Variants in TMEM132D observed in about 807,000 individuals in gnomAD.
TMEM132D encodes the protein mature OL transmembrane protein.
Under a neutral mutation model 62.3 loss-of-function variants are expected in TMEM132D, and 21 were observed. The observed-to-expected ratio is 0.34, with a 90% CI of 0.24 to 0.49. TMEM132D has a LOEUF of 0.49. Ranked by LOEUF, TMEM132D falls within the 20% of genes least tolerant of loss-of-function variation. The pLI is 0.99. For missense variants in TMEM132D, 1,346 were observed against 1,402.8 expected (o/e 0.96, Z 0.65); for synonymous variants, 621 against 575.6 (o/e 1.08, Z -1.13).
intron 5 of TMEM132D, among the ~76,000 whole-genome samples, chr12:129,126,622 G>T (rs1465482595): frequency 6.6e-6 from 1 of 152,084 alleles, no homozygotes; most frequent in African/African-American, 2.4e-5. Flanking sequence ...GAATGGTATG[G>T]GAATAAACAG....
At chr12:129,192,597 T>A (rs1878435891) in intron 5 of TMEM132D, among the ~76,000 whole-genome samples, 1 of 152,250 alleles carries the variant, frequency 6.6e-6, no homozygotes, top group Non-Finnish European at 1.5e-5. Context: ...AATTTAGGGT[T>A]GTTCACATAT....
At chr12:129,166,708 CACACATAT>C (rs761990749) in intron 5 of TMEM132D, among the ~76,000 whole-genome samples, 1,661 of 140,756 alleles carry the variant, frequency 0.012, 22 homozygotes, top group Middle Eastern at 0.041. Context: ...CACACACACA[CACACATAT>C]ACACACACAC....
chr12:129,855,093 A>G (rs71466420), intron 1 of TMEM132D: 9,225 of 109,868 alleles, frequency 0.084, 345 homozygotes, highest in Middle Eastern at 0.14. Flanking sequence ...GGGTGCCCTT[A>G]TAACAGAGTC....
chr12:129,352,217 C>T (rs1055262508), intron 3 of TMEM132D, among the ~76,000 whole-genome samples: 3 of 151,988 alleles, frequency 2.0e-5, no homozygotes, highest in Non-Finnish European at 2.9e-5. Context: ...CCTGATATCC[C>T]GATATCTTGA....
chr12:129,813,607 ATGTGATATATATATATATATATAT>A lies in TMEM132D; in HGVS notation c.79+89630_79+89653del, dbSNP rs1872252950. On this transcript the variant is annotated intron_variant, in intron 1 of 8. Coordinates refer to ENST00000422113, the MANE Select transcript of TMEM132D (RefSeq NM_133448.3). ...AGTGAAGGATGGACGGATACAGAAA[ATGTGATATATATATATATATATAT>A]TTTCAGGACTATTTCAGACATTGGG... 5.5e-5 allele frequency among the ~76,000 whole-genome samples: 3 copies of A among 54,446 alleles called. No individual in the cohort carries two copies. In the Admixed American group the frequency reaches 8.8e-4, roughly 16 times the overall value. 35.7% of individuals were successfully genotyped at this position (54,446 alleles called of 152,430 possible).
chr12:129,467,177 T>C (rs1234800249), intron 3 of TMEM132D, among the ~76,000 whole-genome samples: 1 of 152,220 alleles, frequency 6.6e-6, no homozygotes, highest in African/African-American at 2.4e-5. Flanking sequence ...AATGCAACTC[T>C]GGCTTAGACC....
chr12:129,256,686 TGCTGGGATTACAG>T (rs1880409336), intron 4 of TMEM132D, among the ~76,000 whole-genome samples: 1 of 152,030 alleles, frequency 6.6e-6, no homozygotes, highest in Non-Finnish European at 1.5e-5. Context: ...CCTCCCAAAG[TGCTGGGATTACAG>T]GCGTGCACCA....
intron 2 of TMEM132D, among the ~76,000 whole-genome samples, chr12:129,577,240 TACTC>T (rs1477322748): frequency 6.6e-6 from 1 of 151,852 alleles, no homozygotes; most frequent in African/African-American, 2.4e-5. Context: ...TTTAAGCAGA[TACTC>T]ACAACTCTCA....
At chr12:129,657,061 T>C (rs1408836952) in intron 2 of TMEM132D, among the ~76,000 whole-genome samples, 2 of 152,228 alleles carry the variant, frequency 1.3e-5, no homozygotes, top group Non-Finnish European at 2.9e-5. Flanking sequence ...AAAGGGTATC[T>C]CTTTGATGTT....
intron 5 of TMEM132D, among the ~76,000 whole-genome samples, chr12:129,102,139 C>A (rs1875330375): frequency 6.6e-6 from 1 of 152,140 alleles, no homozygotes; most frequent in Admixed American, 6.5e-5. Context: ...TCCCTCTGTG[C>A]TGTTGGTACC....
chr12:129,536,283 G>A (rs896041570), intron 2 of TMEM132D, among the ~76,000 whole-genome samples: 3 of 152,226 alleles, frequency 2.0e-5, no homozygotes, highest in South Asian at 2.1e-4. Context: ...TGTAGATTTG[G>A]TGATAGCATT....
chr12:129,821,277 T>G (rs1872535549), intron 1 of TMEM132D, among the ~76,000 whole-genome samples: 1 of 152,206 alleles, frequency 6.6e-6, no homozygotes, highest in African/African-American at 2.4e-5. Flanking sequence ...CACAGAGAAC[T>G]TAATTTCCTG....
At chr12:129,367,783 T>C (rs1440775427) in intron 3 of TMEM132D, among the ~76,000 whole-genome samples, 4 of 150,948 alleles carry the variant, frequency 2.6e-5, no homozygotes, top group African/African-American at 7.3e-5. Context: ...TTTTCTTTTT[T>C]TTTTTTTTTT....
intron 4 of TMEM132D, chr12:129,262,560 T>A (rs1474226899): frequency 6.6e-6 from 1 of 152,254 alleles, no homozygotes; most frequent in Non-Finnish European, 1.5e-5. Flanking sequence ...GGCTCATGGC[T>A]GTCTGAGTGG....
At chr12:129,216,995 TTTGTTGTTG>T (rs971518951) in intron 4 of TMEM132D, among the ~76,000 whole-genome samples, 4 of 152,086 alleles carry the variant, frequency 2.6e-5, no homozygotes, top group Non-Finnish European at 5.9e-5. Context: ...AAAAACATTT[TTTGTTGTTG>T]TTGTTGTTGT....
chr12:129,551,206 AC>A (rs1876885710), intron 2 of TMEM132D, among the ~76,000 whole-genome samples: 1 of 152,216 alleles, frequency 6.6e-6, no homozygotes, highest in African/African-American at 2.4e-5. Context: ...GCATCTACTA[AC>A]TTTTGTCCTT....
intron 1 of TMEM132D, among the ~76,000 whole-genome samples, chr12:129,755,461 C>A (rs1870136966): frequency 6.6e-6 from 1 of 152,060 alleles, no homozygotes; most frequent in East Asian, 1.9e-4. Context: ...GAATGGCTGC[C>A]CTTAGACTAT....
chr12:129,341,451 TTC>T (rs1178446699), intron 3 of TMEM132D, among the ~76,000 whole-genome samples: 1 of 152,176 alleles, frequency 6.6e-6, no homozygotes, highest in Non-Finnish European at 1.5e-5. Flanking sequence ...CCTTACAGAT[TTC>T]TGATTGTTCC....
At chr12:129,103,921 G>A (rs1251331271) in intron 5 of TMEM132D, among the ~76,000 whole-genome samples, 1 of 152,202 alleles carries the variant, frequency 6.6e-6, no homozygotes, top group Non-Finnish European at 1.5e-5. Context: ...AACATTCCAT[G>A]CTCGTGGGTA....
Sources: allele counts gnomAD v4.1 joint callset (sites outside exome capture counted in the v4.1 genomes callset), GRCh38; gene constraint gnomAD v4.1.1; transcripts MANE v1.5; gene names NCBI Gene and HGNC (gene_info 2026-07-23, HGNC 2026-07-21).